Variants in WDFY3 observed in about 807,000 individuals in gnomAD.
WDFY3 encodes WD repeat and FYVE domain-containing protein 3.
A neutral mutation model predicts 409.6 loss-of-function variants in WDFY3; 66 were observed. The ratio of observed to expected loss-of-function variants is 0.16; its 90% CI spans 0.13 to 0.20. The LOEUF is 0.20. WDFY3 is among the 10% of genes least tolerant of loss of function. The probability of loss-of-function intolerance (pLI) is 1.00; values close to 1 mark genes in which losing one functional copy is unlikely to be tolerated. For missense variants in WDFY3, 3,031 were observed against 4,298.1 expected (o/e 0.71, Z 8.24); for synonymous variants, 1,521 against 1,537.1 (o/e 0.99, Z 0.25).
rs937401303 is a variant in WDFY3, at chr4:84,669,855, CAAGTT to C, written c.*3008_*3012del. 6.6e-6 allele frequency: 1 copy of C among 152,208 alleles called. No individual in the cohort carries two copies. The highest frequency in any genetic ancestry group is 1.5e-5 in the Non-Finnish European group (1 of 68,000). 9.4% of individuals were successfully genotyped at this position (152,208 alleles called of 1,614,324 possible). On this transcript the variant is annotated 3_prime_UTR_variant, in exon 68 of 68. Transcript: ENST00000295888. ...AATAATTGGCCATTACTAGGGCTTA[CAAGTT>C]AATAACAGGACAAAAAATATACATT...
intron 24 of WDFY3, among the ~76,000 whole-genome samples, chr4:84,785,173 T>C (rs1368241907): frequency 1.3e-5 from 2 of 152,010 alleles, no homozygotes; most frequent in Admixed American, 6.6e-5. Context: ...GTCTTTACAA[T>C]TGCCCCATGA....
Position 84,737,338 on chromosome 4 carries a change from G to T in WDFY3, c.6603C>A (p.Asn2201Lys), listed in dbSNP as rs767629231. The T allele has an allele frequency of 6.3e-7, 1 of 1,587,116 alleles. No homozygotes were observed. Among genetic ancestry groups the T allele is most frequent in the Non-Finnish European group, 8.6e-7 (1 of 1,167,318 alleles). Residue 2201 changes from asparagine (N) to lysine (K), a missense_variant, in exon 41 of 68, where the codon AAC (asparagine) becomes AAA (lysine). Asn to Lys is a moderately conservative substitution (Grantham distance 94). Around this residue, in one of 16 missense-constraint regions of WDFY3, gnomAD observed 314 missense variants for 397.4 expected, o/e 0.79. Transcript: ENST00000295888. ...TATGTATCAGTTCAGTCCAAACTCTGTTGACAGCTTTTATGAGAAGCTGAC... is the reference window on the plus strand; with the variant it reads ...TATGTATCAGTTCAGTCCAAACTCTTTTGACAGCTTTTATGAGAAGCTGAC... ...EGRQLLIKAV[N>K]RVWTELIHSK...
At chr4:84,880,670 C>T (rs1400121852) in intron 3 of WDFY3, among the ~76,000 whole-genome samples, 1 of 55,204 alleles carries the variant, frequency 1.8e-5, no homozygotes, top group Admixed American at 2.4e-4. Flanking sequence ...ATAAGGGAAC[C>T]ATACATATAT....
At chr4:84,864,414 T>G (rs984789803) in intron 3 of WDFY3, among the ~76,000 whole-genome samples, 14 of 151,828 alleles carry the variant, frequency 9.2e-5, no homozygotes, top group African/African-American at 3.4e-4. Flanking sequence ...CTGGAATTTT[T>G]GATAAGGATT....
chr4:84,865,887 T>C (rs530593884), intron 3 of WDFY3, among the ~76,000 whole-genome samples: 5 of 152,162 alleles, frequency 3.3e-5, no homozygotes, highest in African/African-American at 1.2e-4. Flanking sequence ...TTGGGACACA[T>C]GACAAAACCC....
intron 9 of WDFY3, 152 bp from the exon 10 acceptor site, chr4:84,827,133 C>CT: frequency 1.4e-6 from 1 of 702,620 alleles, no homozygotes; most frequent in African/African-American, 1.9e-5. Context: ...AGGGAATTAT[C>CT]TTTTAACCAC....
At chr4:84,890,472 C>T (rs988563788) in intron 3 of WDFY3, among the ~76,000 whole-genome samples, 1 of 152,164 alleles carries the variant, frequency 6.6e-6, no homozygotes, top group African/African-American at 2.4e-5. Context: ...TTTTTACCTG[C>T]AGTGTTGGAC....
Position 84,737,475 on chromosome 4 carries a change from G to A in WDFY3, c.6575-109C>T, listed in dbSNP as rs1232039811. On this transcript the variant is annotated intron_variant, in intron 40 of 67. Coordinates refer to ENST00000295888, the MANE Select transcript of WDFY3 (RefSeq NM_014991.6). ...TTTACATGTGGGAATTTCGACTACA[G>A]TATTTAATGTAAAAAAAACAAAGCT... The A allele has an allele frequency of 4.0e-6, 5 of 1,244,100 alleles. No homozygotes were observed. The East Asian group carries it at 1.4e-4, about 35-fold the overall frequency. The allele number at this position is 1,244,100 out of a possible 1,614,324, so 77.1% of individuals were successfully genotyped here.
chr4:84,814,500 T>C (rs1479409673), intron 13 of WDFY3, among the ~76,000 whole-genome samples: 1 of 152,142 alleles, frequency 6.6e-6, no homozygotes, highest in Non-Finnish European at 1.5e-5. Context: ...AAGTCTTAAA[T>C]TGTGTATTGT....
At chr4:84,702,655 A>G (rs1033869527) in intron 55 of WDFY3, 149 bp from the exon 56 acceptor site, 1 of 619,950 alleles carries the variant, frequency 1.6e-6, no homozygotes, top group Non-Finnish European at 2.6e-6. Context: ...TTTTTAATAA[A>G]CATAAAACAT....
chr4:84,726,813 A>C, intron 45 of WDFY3, 48 bp downstream of exon 45: 1 of 1,559,270 alleles, frequency 6.4e-7, no homozygotes, highest in Non-Finnish European at 8.7e-7. Flanking sequence ...AAAACAAAAA[A>C]CAAAACTACA....
intron 22 of WDFY3, among the ~76,000 whole-genome samples, chr4:84,789,098 G>C (rs1259377388): frequency 1.3e-5 from 2 of 152,102 alleles, no homozygotes; most frequent in Non-Finnish European, 2.9e-5. Context: ...AATTTTCAGA[G>C]CTTGCGAACT....
In WDFY3 at chr4:84,672,505, T is replaced by C. The variant is rs1262829682; in HGVS notation, c.*363A>G. ...TACAACCATTTTCTAAAAGCCTTTT[T>C]TGTTGTTGGTTTTTCCAAATAAGGA... On this transcript the variant is annotated 3_prime_UTR_variant, in exon 68 of 68. Coordinates refer to ENST00000295888, the MANE Select transcript of WDFY3 (RefSeq NM_014991.6). The C allele has an allele frequency of 6.2e-6, 1 of 160,290 alleles. No homozygotes were observed. Among genetic ancestry groups the C allele is most frequent in the Non-Finnish European group, 1.4e-5 (1 of 73,696 alleles). 9.9% of individuals were successfully genotyped at this position (160,290 alleles called of 1,614,324 possible). A position where few individuals can be genotyped will look rare whatever the true frequency, so the allele number is the denominator to read the frequency against.
intron 4 of WDFY3, 59 bp from the exon 5 acceptor site, chr4:84,850,084 T>C: frequency 6.6e-7 from 1 of 1,521,660 alleles, no homozygotes; most frequent in Non-Finnish European, 8.8e-7. Context: ...TTTTATTTTG[T>C]GAATTTTCAA....
At chr4:84,864,401 C>T (rs1761094470) in intron 3 of WDFY3, among the ~76,000 whole-genome samples, 1 of 149,272 alleles carries the variant, frequency 6.7e-6, no homozygotes, top group African/African-American at 2.5e-5. Flanking sequence ...AACAAGAATG[C>T]TACTGGAATT....
At chr4:84,736,994 TAAA>T (rs200364139) in intron 41 of WDFY3, among the ~76,000 whole-genome samples, 187 bp downstream of exon 41, 5 of 114,526 alleles carry the variant, frequency 4.4e-5, no homozygotes, top group African/African-American at 6.3e-5. Flanking sequence ...CCTCAGATGC[TAAA>T]AAAAAAAAAA....
In WDFY3 at chr4:84,821,368, T is replaced by G; in HGVS notation, c.1307A>C (p.Lys436Thr). 6.2e-7 allele frequency: 1 copy of G among 1,613,892 alleles called. No homozygotes were observed. Residue 436 changes from lysine (K) to threonine (T), a missense_variant, in exon 11 of 68, where the codon AAA becomes ACA. This residue lies in a region of WDFY3 where 1,322 missense variants were observed against 1,697.9 expected (regional missense o/e 0.78). Coordinates refer to ENST00000295888, the MANE Select transcript of WDFY3 (RefSeq NM_014991.6). ...TLSQFAEKIS[K>T]LPEVQNKYFE... ...GTATTTGTTTTGTACTTCTGGGAGT[T>G]TAGAAATCTTCTCTGCAAACTGTGA...
At chr4:84,820,046 T>A (rs1753833016) in intron 12 of WDFY3, 39 bp downstream of exon 12, 12 of 1,524,956 alleles carry the variant, frequency 7.9e-6, no homozygotes, top group Non-Finnish European at 1.1e-5. Flanking sequence ...TAATCAGTGG[T>A]AATCTCCCAA....
At chr4:84,921,746 C>T (rs1162285512) in intron 2 of WDFY3, among the ~76,000 whole-genome samples, 1 of 149,282 alleles carries the variant, frequency 6.7e-6, no homozygotes, top group Admixed American at 6.7e-5. Context: ...CAACCTCCAC[C>T]TCCTGGGTTC....
Sources: gnomAD v4.1 joint callset for allele counts (sites outside exome capture counted in the v4.1 genomes callset) on GRCh38, gnomAD v4.1.1 for gene constraint, gnomAD v4.1.1 regional missense constraint, MANE v1.5 for transcripts, NCBI Gene and HGNC (gene_info 2026-07-23, HGNC 2026-07-21) for gene names.